CUX1: variants seen among roughly 807,000 people sequenced by gnomAD.
The protein encoded by CUX1 is cut like homeobox 1.
Under a neutral mutation model 158.8 loss-of-function variants are expected in CUX1, and 31 were observed. The observed-to-expected ratio is 0.20, with a 90% CI of 0.15 to 0.26. The LOEUF is 0.26. Ranked by LOEUF, CUX1 falls within the 10% of genes least tolerant of loss-of-function variation. The probability of loss-of-function intolerance (pLI) is 1.00; values close to 1 mark genes in which losing one functional copy is unlikely to be tolerated. For missense variants in CUX1, 1,589 were observed against 2,014.6 expected (o/e 0.79, Z 4.04); for synonymous variants, 879 against 862.1 (o/e 1.02, Z -0.34).
intron 7 of CUX1, among the ~76,000 whole-genome samples, chr7:102,112,242 CT>C (rs1267673413): frequency 5.2e-4 from 52 of 100,748 alleles, no homozygotes; most frequent in South Asian, 1.2e-3. Context: ...TTCTCTCTCT[CT>C]TTTTTTTTTT....
chr7:102,218,305 C>T (rs1797452390), intron 20 of CUX1, among the ~76,000 whole-genome samples: 1 of 152,200 alleles, frequency 6.6e-6, no homozygotes, highest in African/African-American at 2.4e-5. Flanking sequence ...AAGCTCAGGT[C>T]CCATCTTCAA....
chr7:102,208,048 T>C (rs1324033014), intron 20 of CUX1, among the ~76,000 whole-genome samples: 1 of 151,796 alleles, frequency 6.6e-6, no homozygotes, highest in African/African-American at 2.4e-5. Flanking sequence ...ATTAGCCAGG[T>C]GTGATGGCAT....
At chr7:102,101,869 G>A (rs537688860) in intron 5 of CUX1, among the ~76,000 whole-genome samples, 11 of 151,148 alleles carry the variant, frequency 7.3e-5, no homozygotes, top group South Asian at 4.2e-4. Context: ...CCGAGATTGC[G>A]CCACTGCACT....
chr7:102,050,545 C>T (rs1322642036), intron 3 of CUX1, among the ~76,000 whole-genome samples: 4 of 152,204 alleles, frequency 2.6e-5, no homozygotes, highest in South Asian at 2.1e-4. Flanking sequence ...GTGGGTACCT[C>T]GCTAACTAAT....
At position 101,965,096 on chromosome 7, in the gene CUX1, G is replaced by A. The variant is rs552697695; in HGVS notation, c.141+48871G>A. On this transcript the variant is annotated intron_variant, in intron 2 of 23. Coordinates refer to ENST00000292535, the MANE Select transcript of CUX1 (RefSeq NM_181552.4). ...CTTGCCAGACAGAAAAGTCATTCCCGTGCCTTGCCCCTGAGCCTCCTCGGA... is the reference window on the plus strand; with the variant it reads ...CTTGCCAGACAGAAAAGTCATTCCCATGCCTTGCCCCTGAGCCTCCTCGGA... Among the ~76,000 whole-genome samples the A allele has an allele frequency of 4.6e-5, 7 of 152,286 alleles. No individual in the cohort carries two copies. In the South Asian group the frequency reaches 1.5e-3, roughly 32 times the overall value.
chr7:101,825,798 T>TGTGTGTGTGTGCGC (rs1362738281), intron 1 of CUX1, among the ~76,000 whole-genome samples: 4 of 78,336 alleles, frequency 5.1e-5, no homozygotes, highest in Non-Finnish European at 1.0e-4. Context: ...TGTGTGTGTG[T>TGTGTGTGTGTGCGC]GCGCGCGCGC....
chr7:102,248,618 A>G lies in CUX1; in HGVS notation c.4094A>G (p.Glu1365Gly). 3 of 1,436,262 alleles carry G rather than the reference A, an allele frequency of 2.1e-6. No homozygotes were observed. The highest frequency in any genetic ancestry group is 2.8e-5 in the Admixed American group (1 of 35,890). 89.0% of individuals were successfully genotyped at this position (1,436,262 alleles called of 1,614,324 possible). Reference sequence around the variant, plus strand: ...TCTCAGGGAGAGGCCGAGCGGGAGGAGGTGCCGCGGCCGGCGGAGCAGACG... The same window carrying G: ...TCTCAGGGAGAGGCCGAGCGGGAGGGGGTGCCGCGGCCGGCGGAGCAGACG... ...PKSQGEAERE[E>G]VPRPAEQTEP... is the part of the protein sequence containing the mutation. Residue 1365 changes from glutamate (E) to glycine (G), a missense_variant, in exon 24 of 24, where the codon GAG becomes GGG. Around this residue, in one of 8 missense-constraint regions of CUX1, gnomAD observed 344 missense variants for 323.7 expected, o/e 1.06. Coordinates refer to ENST00000292535, the MANE Select transcript of CUX1 (RefSeq NM_181552.4). The surrounding 1 kb of genome is among the most constrained non-coding windows in gnomAD (Gnocchi z 5.8).
chr7:101,864,517 A>AT (rs2131387919), intron 1 of CUX1, among the ~76,000 whole-genome samples: 1 of 151,100 alleles, frequency 6.6e-6, no homozygotes, highest in African/African-American at 2.4e-5. Flanking sequence ...GTGGTATCTC[A>AT]TTGTGGTTTT....
intron 2 of CUX1, among the ~76,000 whole-genome samples, chr7:101,920,116 A>G (rs1376232771): frequency 7.5e-6 from 1 of 132,998 alleles, no homozygotes; most frequent in East Asian, 2.0e-4. Context: ...ATTTTATTTT[A>G]TTTTTATGTG....
At chr7:102,118,545 G>A (rs1243376479) in intron 8 of CUX1, among the ~76,000 whole-genome samples, 1 of 151,998 alleles carries the variant, frequency 6.6e-6, no homozygotes, top group East Asian at 1.9e-4. Context: ...TAAAAAAAAA[G>A]GGATTCTTAA....
chr7:102,091,068 A>G (rs1554482078), intron 4 of CUX1, among the ~76,000 whole-genome samples: 1 of 152,200 alleles, frequency 6.6e-6, no homozygotes, highest in Admixed American at 6.5e-5. Context: ...CCATTTTTGT[A>G]AAAGGTGCTG....
At chr7:102,138,648 C>T (rs782120361) in intron 8 of CUX1, among the ~76,000 whole-genome samples, 1 of 152,152 alleles carries the variant, frequency 6.6e-6, no homozygotes, top group Non-Finnish European at 1.5e-5. Flanking sequence ...TGCCACTTCC[C>T]TCTACAATGA....
chr7:102,171,170 T>C (rs1554510319), intron 10 of CUX1, among the ~76,000 whole-genome samples: 1 of 152,074 alleles, frequency 6.6e-6, no homozygotes, highest in South Asian at 2.1e-4. Flanking sequence ...CAATGCTGTA[T>C]AGGGACAAGG....
At chr7:101,947,488 C>T (rs1211323943) in intron 2 of CUX1, among the ~76,000 whole-genome samples, 2 of 152,250 alleles carry the variant, frequency 1.3e-5, no homozygotes, top group African/African-American at 4.8e-5. Context: ...ATCCCGCACA[C>T]ACCTTCATCA....
chr7:102,182,006 C>T (rs1328730376), intron 11 of CUX1, among the ~76,000 whole-genome samples: 3 of 152,242 alleles, frequency 2.0e-5, no homozygotes, highest in African/African-American at 7.2e-5. Context: ...CTCACCTTTA[C>T]TTACCACGGA....
In CUX1 at chr7:101,913,429, C is replaced by T. The variant is rs989111412; in HGVS notation, c.31-2686C>T. The T allele has an allele frequency of 8.8e-6, 11 of 1,247,868 alleles. No individual in the cohort carries two copies. The East Asian group carries it at 1.8e-4, about 21-fold the overall frequency. 77.3% of individuals were successfully genotyped at this position (1,247,868 alleles called of 1,614,324 possible). Reference sequence around the variant, plus strand: ...CGCAGGCGCACTGGCTCTGCAGCCCCGGGATCAAGGTGGGTTCACCTTGCA... The same window carrying T: ...CGCAGGCGCACTGGCTCTGCAGCCCTGGGATCAAGGTGGGTTCACCTTGCA... On this transcript the variant is annotated intron_variant, in intron 1 of 23. Transcript: ENST00000292535.
intron 2 of CUX1, among the ~76,000 whole-genome samples, chr7:101,927,395 A>G (rs935310798): frequency 6.6e-6 from 1 of 152,140 alleles, no homozygotes; most frequent in Non-Finnish European, 1.5e-5. Context: ...GCGGTAGCTC[A>G]TTTCTGTAAT....
chr7:102,269,620 C>T (rs899858177), intron 14 of CUX1, among the ~76,000 whole-genome samples: 7 of 116,040 alleles, frequency 6.0e-5, no homozygotes, highest in South Asian at 2.7e-4. Context: ...GACGAGTTTT[C>T]GCCATGTTGG....
chr7:102,003,913 G>A (rs1443046108), intron 2 of CUX1, among the ~76,000 whole-genome samples: 3 of 152,150 alleles, frequency 2.0e-5, no homozygotes, highest in Non-Finnish European at 4.4e-5. Flanking sequence ...GACTAAGGTG[G>A]GAGGATTGCT....
Sources: allele counts gnomAD v4.1 joint callset (sites outside exome capture counted in the v4.1 genomes callset), GRCh38; gene constraint gnomAD v4.1.1; regional missense constraint gnomAD v4.1.1; non-coding constraint Gnocchi (gnomAD v3.1); transcripts MANE v1.5; gene names NCBI Gene and HGNC (gene_info 2026-07-23, HGNC 2026-07-21).